SORCS3: variants seen among roughly 807,000 people sequenced by gnomAD.
The protein encoded by SORCS3 is sortilin related VPS10 domain containing receptor 3.
SORCS3 carries 57 observed loss-of-function variants against 146.3 expected under a neutral mutation model. The ratio of observed to expected loss-of-function variants is 0.39; its 90% CI spans 0.31 to 0.49. The LOEUF is 0.49. Among genes scored for constraint, SORCS3 ranks in the 20% least tolerant of loss-of-function variants. The probability of loss-of-function intolerance (pLI) is 0.92; values close to 1 mark genes in which losing one functional copy is unlikely to be tolerated. For synonymous variants in SORCS3, 653 were observed against 618.5 expected (o/e 1.06, Z -0.83); for missense variants, 1,341 against 1,575.5 (o/e 0.85, Z 2.52).
intron 1 of SORCS3, among the ~76,000 whole-genome samples, chr10:104,799,004 G>A (rs1024853656): frequency 5.9e-5 from 9 of 152,086 alleles, no homozygotes; most frequent in Admixed American, 3.9e-4. Flanking sequence ...ACTATCTCAC[G>A]GTCAGTTAGA....
intron 2 of SORCS3, among the ~76,000 whole-genome samples, chr10:104,878,109 T>C (rs2018595147): frequency 6.6e-6 from 1 of 151,968 alleles, no homozygotes; most frequent in Admixed American, 6.6e-5. Context: ...TTCCATTAGC[T>C]CAGGAACAAG....
intron 6 of SORCS3, among the ~76,000 whole-genome samples, chr10:105,102,833 A>G (rs2055795365): frequency 8.4e-6 from 1 of 118,974 alleles, no homozygotes; most frequent in African/African-American, 3.4e-5. Context: ...CTCTGTCACC[A>G]GGCTGGAGTA....
chr10:104,927,101 AT>A (rs745434686), intron 3 of SORCS3, among the ~76,000 whole-genome samples: 9 of 152,070 alleles, frequency 5.9e-5, no homozygotes, highest in Non-Finnish European at 1.2e-4. Flanking sequence ...TGAAGTTTTT[AT>A]GTGTCTGTAT....
chr10:105,089,870 G>C, intron 6 of SORCS3, 31 bp downstream of exon 6: 1 of 1,584,490 alleles, frequency 6.3e-7, no homozygotes, highest in Admixed American at 1.7e-5. Flanking sequence ...GCTAGGCCCA[G>C]GGAGATCTGC....
intron 5 of SORCS3, among the ~76,000 whole-genome samples, chr10:105,082,444 G>A (rs1451159940): frequency 1.3e-5 from 2 of 152,136 alleles, no homozygotes; most frequent in African/African-American, 2.4e-5. Context: ...AAAATGTAAC[G>A]ACTGCATTAT....
At chr10:104,829,947 C>T (rs1265862227) in intron 1 of SORCS3, among the ~76,000 whole-genome samples, 1 of 152,108 alleles carries the variant, frequency 6.6e-6, no homozygotes, top group African/African-American at 2.4e-5. Flanking sequence ...AGACTTGTTA[C>T]ATAGGTATAC....
chr10:105,138,607 A>G (rs1387036305), intron 7 of SORCS3, among the ~76,000 whole-genome samples: 1 of 152,260 alleles, frequency 6.6e-6, no homozygotes, highest in Non-Finnish European at 1.5e-5. Flanking sequence ...GGCAGAGAGC[A>G]GCCATCTGCA....
At chr10:105,009,272 G>C (rs966221819) in intron 4 of SORCS3, among the ~76,000 whole-genome samples, 1 of 152,230 alleles carries the variant, frequency 6.6e-6, no homozygotes, top group Middle Eastern at 3.4e-3. Context: ...ATCTGGAAAA[G>C]TGCAGAGCTT....
chr10:104,735,682 T>C (rs1378084061), intron 1 of SORCS3, among the ~76,000 whole-genome samples: 1 of 151,872 alleles, frequency 6.6e-6, no homozygotes, highest in Non-Finnish European at 1.5e-5. Context: ...CCCTGGCCTG[T>C]TGGTGGCTGC....
chr10:105,142,306 AC>A (rs1278818154), intron 8 of SORCS3, among the ~76,000 whole-genome samples: 2 of 152,134 alleles, frequency 1.3e-5, no homozygotes, highest in South Asian at 4.2e-4. Flanking sequence ...GAAATTCTGC[AC>A]CCTTTTGTGT....
At chr10:104,997,061 G>A (rs1210940451) in intron 4 of SORCS3, among the ~76,000 whole-genome samples, 1 of 152,186 alleles carries the variant, frequency 6.6e-6, no homozygotes, top group Non-Finnish European at 1.5e-5. Flanking sequence ...TGTGAAGGTG[G>A]AGAAAGGGGG....
chr10:105,033,496 G>T (rs1296613015), intron 4 of SORCS3, among the ~76,000 whole-genome samples: 1 of 152,194 alleles, frequency 6.6e-6, no homozygotes, highest in African/African-American at 2.4e-5. Context: ...TTGTTAAGCA[G>T]CTCAGTGGCA....
intron 1 of SORCS3, among the ~76,000 whole-genome samples, chr10:104,649,699 T>C (rs1348735508): frequency 6.6e-6 from 1 of 152,216 alleles, no homozygotes; most frequent in African/African-American, 2.4e-5. Flanking sequence ...TAGAAGTGAA[T>C]GACTGGGGAC....
At chr10:104,833,449 C>T (rs2018024204) in intron 1 of SORCS3, among the ~76,000 whole-genome samples, 1 of 152,138 alleles carries the variant, frequency 6.6e-6, no homozygotes, top group South Asian at 2.1e-4. Flanking sequence ...AATGGCCATT[C>T]TATACAGGAG....
chr10:105,030,134 G>A (rs941617508), intron 4 of SORCS3, among the ~76,000 whole-genome samples: 1 of 152,190 alleles, frequency 6.6e-6, no homozygotes, highest in Non-Finnish European at 1.5e-5. Flanking sequence ...CTGACTCTGT[G>A]TATCAGCTAG....
chr10:104,832,237 G>T (rs1459781041), intron 1 of SORCS3, among the ~76,000 whole-genome samples: 1 of 152,066 alleles, frequency 6.6e-6, no homozygotes, highest in Non-Finnish European at 1.5e-5. Context: ...TTAATAAGAG[G>T]CATAATAATA....
At chr10:105,237,624 AT>A (rs2056800126) in intron 20 of SORCS3, among the ~76,000 whole-genome samples, 1 of 152,200 alleles carries the variant, frequency 6.6e-6, no homozygotes, top group African/African-American at 2.4e-5. Context: ...AGTGAGCACT[AT>A]ATTTGGCTGG....
intron 1 of SORCS3, among the ~76,000 whole-genome samples, chr10:104,707,609 C>T (rs2016350905): frequency 6.6e-6 from 1 of 152,108 alleles, no homozygotes; most frequent in Non-Finnish European, 1.5e-5. Flanking sequence ...GAAGGAGGAC[C>T]TGAATCACAT....
chr10:104,672,361 T>C (rs1161254765), intron 1 of SORCS3, among the ~76,000 whole-genome samples: 2 of 152,140 alleles, frequency 1.3e-5, no homozygotes, highest in African/African-American at 4.8e-5. Context: ...TTCTCTCTTT[T>C]TTTCTTAGTC....
Sources: gnomAD v4.1 joint callset for allele counts (sites outside exome capture counted in the v4.1 genomes callset) on GRCh38, gnomAD v4.1.1 for gene constraint, MANE v1.5 for transcripts, NCBI Gene and HGNC (gene_info 2026-07-23, HGNC 2026-07-21) for gene names.